Variants in SDHAF3 observed in about 807,000 individuals in gnomAD.
SDHAF3 encodes the protein succinate dehydrogenase complex assembly factor 3.
In SDHAF3, 18 loss-of-function variants were observed where a neutral mutation model predicts 11.5. The ratio of observed to expected loss-of-function variants is 1.56; its 90% CI spans 1.08 to 2.32. The LOEUF is 2.32. SDHAF3 is among the 30% of genes most tolerant of loss of function. The pLI is 0.00. For missense variants in SDHAF3, 200 were observed against 154.4 expected, an observed-to-expected ratio of 1.30 and a Z score of -1.57; for synonymous variants, 72 against 59.3, an observed-to-expected ratio of 1.21 and a Z score of -0.99.
At chr7:97,135,433 T>G (rs542449291) in intron 1 of SDHAF3, 4 of 152,150 alleles carry the variant, frequency 2.6e-5, no homozygotes, top group Non-Finnish European at 4.4e-5. Flanking sequence ...CAAGAGGACT[T>G]CTTAAAAACC....
chr7:97,145,849 A>G (rs1316349333), intron 1 of SDHAF3, among the ~76,000 whole-genome samples: 3 of 152,174 alleles, frequency 2.0e-5, no homozygotes, highest in Non-Finnish European at 4.4e-5. Context: ...GATGATTCAT[A>G]GTAATTCAAA....
chr7:97,150,041 C>G (rs985853033), intron 1 of SDHAF3, among the ~76,000 whole-genome samples: 2 of 152,198 alleles, frequency 1.3e-5, no homozygotes, highest in South Asian at 4.1e-4. Context: ...ACTTTCTTTG[C>G]TCATCCATAA....
chr7:97,152,074 T>G (rs1377274910), intron 1 of SDHAF3, among the ~76,000 whole-genome samples: 1 of 152,204 alleles, frequency 6.6e-6, no homozygotes. Flanking sequence ...TGTATCCATC[T>G]TTATAGTAGT....
chr7:97,153,941 G>T (rs1310845242), intron 1 of SDHAF3, among the ~76,000 whole-genome samples: 3 of 152,226 alleles, frequency 2.0e-5, no homozygotes, highest in Non-Finnish European at 4.4e-5. Context: ...ATGCATCCGT[G>T]TGAAGAGACC....
chr7:97,163,378 G>T (rs1031108654), intron 1 of SDHAF3, among the ~76,000 whole-genome samples: 3 of 152,158 alleles, frequency 2.0e-5, no homozygotes, highest in African/African-American at 7.2e-5. Flanking sequence ...CTGATCTTGT[G>T]ATCTGCCTGC....
chr7:97,131,601 C>T (rs1791672226), intron 1 of SDHAF3, among the ~76,000 whole-genome samples: 1 of 152,104 alleles, frequency 6.6e-6, no homozygotes, highest in Admixed American at 6.5e-5. Flanking sequence ...TTCCTTTTTA[C>T]CTCTTAAGAT....
chr7:97,123,810 G>T (rs1175671701), intron 1 of SDHAF3, among the ~76,000 whole-genome samples: 2 of 149,028 alleles, frequency 1.3e-5, no homozygotes, highest in Non-Finnish European at 1.5e-5. Context: ...TTTGAGAAGG[G>T]TGTGTTCATA....
chr7:97,170,447 G>A (rs1268391756), intron 1 of SDHAF3, among the ~76,000 whole-genome samples: 2 of 151,974 alleles, frequency 1.3e-5, no homozygotes, highest in African/African-American at 4.8e-5. Context: ...TGCTATTATT[G>A]TTTCTGGGAA....
In SDHAF3 at chr7:97,181,006, T is replaced by G. The variant is rs1289619020; in HGVS notation, c.175-6T>G. 1 of 1,609,794 alleles carries G rather than the reference T, an allele frequency of 6.2e-7. No homozygotes were observed. The highest frequency in any genetic ancestry group is 8.5e-7 in the Non-Finnish European group (1 of 1,178,172). ...CATCTATAACCTTCATTCTTTATCT[T>G]TTTAGGTGTATGCAACAGCGTTATT... On this transcript the variant is annotated splice_region_variant and splice_polypyrimidine_tract_variant and intron_variant, in intron 1 of 1. Transcript: ENST00000432641.
chr7:97,156,246 CTT>C (rs1789300225), intron 1 of SDHAF3, among the ~76,000 whole-genome samples: 1 of 152,160 alleles, frequency 6.6e-6, no homozygotes, highest in African/African-American at 2.4e-5. Flanking sequence ...TACACATAGT[CTT>C]TTGTAGAATG....
At position 97,174,146 on chromosome 7, in the gene SDHAF3, T is replaced by C. The variant is rs1342626804; in HGVS notation, c.175-6866T>C. 2.6e-5 allele frequency among the ~76,000 whole-genome samples: 4 copies of C among 152,124 alleles called. No homozygotes were observed. The East Asian group carries it at 7.8e-4, about 30-fold the overall frequency. On this transcript the variant is annotated intron_variant, in intron 1 of 1. Transcript: ENST00000432641. ...GTTGGCCAGGCTGGTCTCGAACTCC[T>C]GACCTCAAGGGATCCACTCAGCTCA...
At chr7:97,152,283 T>G (rs1180919964) in intron 1 of SDHAF3, among the ~76,000 whole-genome samples, 12 of 151,852 alleles carry the variant, frequency 7.9e-5, no homozygotes, top group Non-Finnish European at 1.8e-4. Flanking sequence ...GAGACTGGAG[T>G]TTTGGTATTA....
intron 1 of SDHAF3, among the ~76,000 whole-genome samples, chr7:97,166,651 G>A (rs934373872): frequency 1.1e-4 from 17 of 152,222 alleles, no homozygotes; most frequent in Non-Finnish European, 8.8e-5. Context: ...GGTATGATCA[G>A]GCATGTCTGA....
At chr7:97,152,997 G>A (rs1197957071) in intron 1 of SDHAF3, among the ~76,000 whole-genome samples, 1 of 152,204 alleles carries the variant, frequency 6.6e-6, no homozygotes, top group African/African-American at 2.4e-5. Flanking sequence ...TGGCAAATTT[G>A]TTAGTTTTAC....
intron 1 of SDHAF3, among the ~76,000 whole-genome samples, chr7:97,143,852 G>C (rs138613261): frequency 6.6e-6 from 1 of 152,160 alleles, no homozygotes; most frequent in African/African-American, 2.4e-5. Context: ...TAGATACCCA[G>C]TAGTGGGATT....
chr7:97,130,670 AG>A (rs1168578613), intron 1 of SDHAF3, among the ~76,000 whole-genome samples: 1 of 152,204 alleles, frequency 6.6e-6, no homozygotes, highest in Non-Finnish European at 1.5e-5. Flanking sequence ...ACCATTTGGC[AG>A]GTCCCAGGTT....
intron 1 of SDHAF3, among the ~76,000 whole-genome samples, chr7:97,160,190 TG>T (rs749787247): frequency 1.5e-5 from 2 of 137,628 alleles, no homozygotes; most frequent in Non-Finnish European, 3.1e-5. Flanking sequence ...ACCCATCGTC[TG>T]GGAAGTGAGG....
At chr7:97,150,196 T>G (rs1789196417) in intron 1 of SDHAF3, among the ~76,000 whole-genome samples, 1 of 152,202 alleles carries the variant, frequency 6.6e-6, no homozygotes, top group Admixed American at 6.5e-5. Context: ...CTTTTCAAAG[T>G]CATCCATGAG....
intron 1 of SDHAF3, 104 bp downstream of exon 1, chr7:97,118,001 T>C (rs1791434525): frequency 7.3e-6 from 10 of 1,369,302 alleles, no homozygotes; most frequent in Middle Eastern, 1.9e-4. Flanking sequence ...CAGCAACCTG[T>C]TCTGTTTGAA....
Sources: allele counts gnomAD v4.1 joint callset (sites outside exome capture counted in the v4.1 genomes callset), GRCh38; gene constraint gnomAD v4.1.1; transcripts MANE v1.5; gene names NCBI Gene and HGNC (gene_info 2026-07-23, HGNC 2026-07-21).